CYFIP2: variants seen among roughly 807,000 people sequenced by gnomAD.
CYFIP2 encodes cytoplasmic FMR1-interacting protein 2.
In CYFIP2, 29 loss-of-function variants were observed where a neutral mutation model predicts 158.7. That is an observed-to-expected ratio of 0.18 (90% CI 0.14 to 0.25). CYFIP2 has a LOEUF of 0.25. Among genes scored for constraint, CYFIP2 ranks in the 10% least tolerant of loss-of-function variants. The probability of loss-of-function intolerance (pLI) is 1.00; values close to 1 mark genes in which losing one functional copy is unlikely to be tolerated. For missense variants in CYFIP2, 852 were observed against 1,639.5 expected (o/e 0.52, Z 8.29); for synonymous variants, 585 against 617.6 (o/e 0.95, Z 0.78).
intron 14 of CYFIP2, 31 bp from the exon 15 acceptor site, chr5:157,320,624 C>G (rs2863198): frequency 0.28 from 446,777 of 1,609,628 alleles, 65,385 homozygotes; most frequent in African/African-American, 0.48. Context: ...ATGGTGAAAC[C>G]TGGTCTAAGT....
At chr5:157,289,242 A>G (rs1757633533) in intron 3 of CYFIP2, among the ~76,000 whole-genome samples, 1 of 152,178 alleles carries the variant, frequency 6.6e-6, no homozygotes, top group African/African-American at 2.4e-5. Context: ...TGAGACGGGG[A>G]GAGCACACCA....
At chr5:157,338,385 C>A (rs1386048742) in intron 21 of CYFIP2, among the ~76,000 whole-genome samples, 1 of 152,246 alleles carries the variant, frequency 6.6e-6, no homozygotes, top group Non-Finnish European at 1.5e-5. Context: ...CATTCTGCTC[C>A]CACCTCTTTT....
intron 24 of CYFIP2, 25 bp from the exon 25 acceptor site, chr5:157,360,257 C>T: frequency 6.3e-7 from 1 of 1,594,658 alleles, no homozygotes; most frequent in Non-Finnish European, 8.6e-7. Context: ...ATTCAGCCCA[C>T]TCATCTGTAC....
chr5:157,280,792 C>A (rs1311955817), intron 1 of CYFIP2, among the ~76,000 whole-genome samples: 3 of 151,682 alleles, frequency 2.0e-5, no homozygotes, highest in African/African-American at 7.3e-5. Flanking sequence ...ACCCTGTGTC[C>A]TTTTATCTAT....
intron 3 of CYFIP2, among the ~76,000 whole-genome samples, chr5:157,289,380 G>A (rs780017672): frequency 2.6e-5 from 4 of 152,180 alleles, no homozygotes; most frequent in Admixed American, 6.5e-5. Flanking sequence ...GGGCATAGAG[G>A]GTGTATTCGT....
At chr5:157,290,829 T>G (rs1341631344) in intron 3 of CYFIP2, among the ~76,000 whole-genome samples, 3 of 152,046 alleles carry the variant, frequency 2.0e-5, no homozygotes, top group Non-Finnish European at 2.9e-5. Context: ...ATGTCTCCTG[T>G]CCCCACTTGG....
intron 1 of CYFIP2, among the ~76,000 whole-genome samples, chr5:157,284,311 T>C (rs1212808016): frequency 5.9e-5 from 9 of 152,224 alleles, no homozygotes; most frequent in Admixed American, 2.6e-4. Flanking sequence ...AAAGATCTTA[T>C]CATTTCTATT....
At chr5:157,313,320 A>G (rs537647766) in intron 11 of CYFIP2, among the ~76,000 whole-genome samples, 3 of 152,368 alleles carry the variant, frequency 2.0e-5, no homozygotes, top group African/African-American at 7.2e-5. Flanking sequence ...CATGACCAAC[A>G]GAACTATAAC....
chr5:157,386,684 C>T (rs544656792), intron 28 of CYFIP2, among the ~76,000 whole-genome samples: 1 of 152,220 alleles, frequency 6.6e-6, no homozygotes, highest in Admixed American at 6.5e-5. Context: ...CTTTGGGAGG[C>T]CAAGGTGGGT....
At chr5:157,317,537 A>G (rs770580894) in intron 13 of CYFIP2, among the ~76,000 whole-genome samples, 6 of 151,716 alleles carry the variant, frequency 4.0e-5, no homozygotes, top group Admixed American at 6.6e-5. Context: ...TCTCCTTCCT[A>G]CCTCCCATCC....
chr5:157,372,681 C>T (rs1190206894), intron 26 of CYFIP2, among the ~76,000 whole-genome samples: 1 of 152,156 alleles, frequency 6.6e-6, no homozygotes, highest in Non-Finnish European at 1.5e-5. Flanking sequence ...TTGCTAGCAT[C>T]GAACTTGGCT....
chr5:157,383,577 T>C (rs1766344667), intron 28 of CYFIP2: 1 of 467,262 alleles, frequency 2.1e-6, no homozygotes, highest in South Asian at 3.4e-5. Flanking sequence ...CTGTATCATG[T>C]ATCCTGCCAA....
intron 26 of CYFIP2, among the ~76,000 whole-genome samples, chr5:157,381,079 A>G (rs1370580862): frequency 6.6e-6 from 1 of 152,152 alleles, no homozygotes; most frequent in Non-Finnish European, 1.5e-5. Context: ...GCCAGGTTCA[A>G]ACATAGAAAA....
At chr5:157,269,303 G>A (rs1453927310) in intron 1 of CYFIP2, 1 of 152,066 alleles carries the variant, frequency 6.6e-6, no homozygotes, top group Non-Finnish European at 1.5e-5. Context: ...GAGGGAACAA[G>A]CCAAGCAGAA....
chr5:157,346,595 G>A (rs1240002920), intron 23 of CYFIP2, among the ~76,000 whole-genome samples: 2 of 152,170 alleles, frequency 1.3e-5, no homozygotes, highest in Non-Finnish European at 2.9e-5. Flanking sequence ...GCCTTGGAGA[G>A]GGCATGGTTC....
At chr5:157,356,102 T>G (rs141079369) in intron 23 of CYFIP2, among the ~76,000 whole-genome samples, 2 of 152,226 alleles carry the variant, frequency 1.3e-5, no homozygotes, top group African/African-American at 4.8e-5. Context: ...AAGAATACCA[T>G]AAGCTGAGTG....
chr5:157,379,471 A>T (rs181562404), intron 26 of CYFIP2, among the ~76,000 whole-genome samples: 446 of 148,284 alleles, frequency 3.0e-3, no homozygotes, highest in Non-Finnish European at 4.3e-3. Context: ...TCCTACTTAT[A>T]AAAAAAAACT....
intron 26 of CYFIP2, among the ~76,000 whole-genome samples, chr5:157,368,416 A>C (rs1455886447): frequency 6.6e-6 from 1 of 151,958 alleles, no homozygotes; most frequent in Non-Finnish European, 1.5e-5. Flanking sequence ...ATCCAGGATG[A>C]TTTTGCCCAT....
chr5:157,325,763 C>T, intron 17 of CYFIP2, 125 bp downstream of exon 17: 3 of 1,030,602 alleles, frequency 2.9e-6, no homozygotes, highest in Non-Finnish European at 4.1e-6. Context: ...TATGTCCCAC[C>T]ACAGGGAGAG....
Sources: allele counts gnomAD v4.1 joint callset (sites outside exome capture counted in the v4.1 genomes callset), GRCh38; gene constraint gnomAD v4.1.1; transcripts MANE v1.5; gene names NCBI Gene and HGNC (gene_info 2026-07-23, HGNC 2026-07-21).